ZNF485: variants seen among roughly 807,000 people sequenced by gnomAD.
ZNF485 encodes zinc finger protein 485.
Under a neutral mutation model 10.8 loss-of-function variants are expected in ZNF485, and 9 were observed. That is an observed-to-expected ratio of 0.83 (90% CI 0.50 to 1.45). The LOEUF is 1.45. ZNF485 is among the 40% of genes most tolerant of loss of function. ZNF485 has a pLI of 0.00. For synonymous variants in ZNF485, 187 were observed against 181.0 expected (o/e 1.03, Z -0.27); for missense variants, 487 against 528.0 (o/e 0.92, Z 0.76).
chr10:43,616,943 T>C lies in ZNF485; in HGVS notation c.900T>C (p.Cys300=). The C allele has an allele frequency of 2.5e-6, 4 of 1,614,154 alleles. No individual in the cohort carries two copies. The highest frequency in any genetic ancestry group is 3.4e-6 in the Non-Finnish European group (4 of 1,180,044). Residue 300 remains cysteine, a synonymous_variant, in exon 5 of 5, where the codon TGT becomes TGC. Coordinates refer to ENST00000361807, the MANE Select transcript of ZNF485 (RefSeq NM_145312.4). ...KIHTGEKPYQ[C]NECGKAFRKS... The stretch of plus-strand genomic sequence containing the variant: ...ATACTGGTGAGAAGCCATATCAGTG[T>C]AATGAATGTGGAAAAGCCTTTAGGA...
Position 43,616,181 on chromosome 10 carries a change from T to G in ZNF485, c.248-110T>G, listed in dbSNP as rs1367724918. On this transcript the variant is annotated intron_variant, in intron 4 of 4. Coordinates refer to ENST00000361807, the MANE Select transcript of ZNF485 (RefSeq NM_145312.4). ...TCACAAGTGGGACACATTAATAATT[T>G]TTCATAACCTTTAGTTATGTAGAAT... 23 of 872,180 alleles carry G rather than the reference T, an allele frequency of 2.6e-5. No homozygotes were observed. In the East Asian group the frequency reaches 4.9e-4, roughly 18 times the overall value. The allele number at this position is 872,180 out of a possible 1,614,324, so 54.0% of individuals were successfully genotyped here.
chr10:43,606,893 C>T (rs1397366262), intron 1 of ZNF485, 104 bp from the exon 2 acceptor site: 3 of 819,918 alleles, frequency 3.7e-6, no homozygotes, highest in East Asian at 2.7e-5. Context: ...ACCTGTCTGC[C>T]CACCTGTGGA....
chr10:43,607,225 A>G, intron 2 of ZNF485, 151 bp downstream of exon 2: 1 of 834,482 alleles, frequency 1.2e-6, no homozygotes, highest in Non-Finnish European at 1.9e-6. Flanking sequence ...CTGTCTACCC[A>G]TTACGTAGTC....
chr10:43,616,893 A>G lies in ZNF485; in HGVS notation c.850A>G (p.Thr284Ala), dbSNP rs767351763. The G allele has an allele frequency of 5.6e-6, 9 of 1,614,018 alleles. No individual in the cohort carries two copies. Among genetic ancestry groups the G allele is most frequent in the Admixed American group, 5.0e-5 (3 of 60,006 alleles). ...KCGRAFRDNS[T>A]VLEHQKIHTG... ...TGGGAGAGCTTTCAGGGATAATTCA[A>G]CTGTGTTGGAACATCAGAAAATCCA... The change falls in exon 5 of 5, where the codon ACT becomes GCT. Residue 284 changes from threonine to alanine, a missense_variant. Thr to Ala is a moderately conservative substitution (Grantham distance 58). Coordinates refer to ENST00000361807, the MANE Select transcript of ZNF485 (RefSeq NM_145312.4).
At chr10:43,614,183 C>T (rs938427758) in intron 4 of ZNF485, among the ~76,000 whole-genome samples, 1 of 150,702 alleles carries the variant, frequency 6.6e-6, no homozygotes, top group Non-Finnish European at 1.5e-5. Context: ...CCATTGCACT[C>T]AGCCTGGGCG....
At chr10:43,607,694 A>T (rs1229102987) in intron 2 of ZNF485, among the ~76,000 whole-genome samples, 9 of 152,218 alleles carry the variant, frequency 5.9e-5, no homozygotes, top group Non-Finnish European at 1.3e-4. Context: ...AAATAAAATT[A>T]AAAAAATTAA....
chr10:43,611,916 A>AT (rs1160926371), intron 4 of ZNF485, among the ~76,000 whole-genome samples: 1 of 152,006 alleles, frequency 6.6e-6, no homozygotes, highest in African/African-American at 2.4e-5. Context: ...TATATCACAG[A>AT]TTTTTTTTAA....
chr10:43,608,883 G>C (rs1838710761), intron 3 of ZNF485, 143 bp downstream of exon 3: 1 of 1,174,508 alleles, frequency 8.5e-7, no homozygotes, highest in Non-Finnish European at 1.2e-6. Flanking sequence ...TTAGAGGCTG[G>C]AGTTTATGCC....
In ZNF485 at chr10:43,606,455, C is replaced by G. The variant is rs1027696587; in HGVS notation, c.-146C>G. ...GTCTCCGCGTGGTGCGAGCGCTGCA[C>G]CAGCCCCTGGCTGGTGGTTACTGTC... On this transcript the variant is annotated 5_prime_UTR_variant, in exon 1 of 5. Coordinates refer to ENST00000361807, the MANE Select transcript of ZNF485 (RefSeq NM_145312.4). The G allele has an allele frequency of 7.2e-6, 3 of 415,614 alleles. No individual in the cohort carries two copies. The highest frequency in any genetic ancestry group is 2.1e-5 in the South Asian group (1 of 47,158). 25.7% of individuals were successfully genotyped at this position (415,614 alleles called of 1,614,324 possible).
intron 3 of ZNF485, 31 bp downstream of exon 3, chr10:43,608,771 T>C: frequency 6.2e-7 from 1 of 1,605,156 alleles, no homozygotes; most frequent in Non-Finnish European, 8.5e-7. Flanking sequence ...GACTCAGGAT[T>C]GGTCTGCTGG....
intron 2 of ZNF485, among the ~76,000 whole-genome samples, chr10:43,607,774 G>T (rs190804407): frequency 6.6e-6 from 1 of 152,132 alleles, no homozygotes; most frequent in East Asian, 1.9e-4. Context: ...TTTTTTTAAG[G>T]CTTACTCATT....
At chr10:43,611,014 G>A (rs935082415) in intron 4 of ZNF485, among the ~76,000 whole-genome samples, 1 of 151,982 alleles carries the variant, frequency 6.6e-6, no homozygotes, top group Non-Finnish European at 1.5e-5. Context: ...ATTGTTTAGA[G>A]CTTCTCTCTC....
chr10:43,608,787 T>G, intron 3 of ZNF485, 47 bp downstream of exon 3: 1 of 1,595,936 alleles, frequency 6.3e-7, no homozygotes, highest in Non-Finnish European at 8.5e-7. Flanking sequence ...GCTGGGCAAC[T>G]TTGTGTTTTC....
intron 4 of ZNF485, among the ~76,000 whole-genome samples, chr10:43,614,683 TAAC>T (rs1838823544): frequency 6.6e-6 from 1 of 152,034 alleles, no homozygotes; most frequent in South Asian, 2.1e-4. Context: ...AATTATATAT[TAAC>T]AATTATTTAC....
intron 4 of ZNF485, among the ~76,000 whole-genome samples, chr10:43,610,168 TTTTA>T (rs1235365310): frequency 6.6e-6 from 1 of 152,212 alleles, no homozygotes; most frequent in African/African-American, 2.4e-5. Context: ...AGGGATCTTC[TTTTA>T]TTTGTCTTTT....
At position 43,617,314 on chromosome 10, in the gene ZNF485, C is replaced by G; in HGVS notation, c.1271C>G (p.Ala424Gly). The G allele has an allele frequency of 6.3e-7, 1 of 1,586,080 alleles. No homozygotes were observed. The highest frequency in any genetic ancestry group is 8.5e-7 in the Non-Finnish European group (1 of 1,171,128). Residue 424 changes from alanine to glycine, a missense_variant, in exon 5 of 5, where the codon GCC becomes GGC. Transcript: ENST00000361807. Reference protein sequence around the residue: ...ECGKAFPRSSALKQHKKIHNK... With the variant: ...ECGKAFPRSSGLKQHKKIHNK... ...GGGAAAGCTTTTCCCCGAAGTTCAG[C>G]CCTTAAGCAACATAAGAAAATTCAT... is the stretch of plus-strand genomic sequence containing the variant.
chr10:43,615,995 TC>T (rs1838849867), intron 4 of ZNF485, among the ~76,000 whole-genome samples: 2 of 152,240 alleles, frequency 1.3e-5, no homozygotes. Flanking sequence ...TTGTCTTTTT[TC>T]TTTTTTAGCT....
rs755310457 is a variant in ZNF485, at chr10:43,616,692, A to G, written c.649A>G (p.Ile217Val). The G allele has an allele frequency of 6.8e-6, 11 of 1,614,080 alleles. No homozygotes were observed. Among genetic ancestry groups the G allele is most frequent in the Admixed American group, 5.0e-5 (3 of 60,012 alleles). The change falls in exon 5 of 5, where the codon ATT becomes GTT. Residue 217 changes from isoleucine to valine, a missense_variant. Physicochemically the swap from Ile to Val is conservative, Grantham distance 29. Transcript: ENST00000361807. ...IHSREKPHKC[I>V]ECGKTFRKNS... is the part of the protein sequence containing the mutation. ...TTCTAGGGAGAAACCCCACAAATGC[A>G]TTGAATGTGGAAAAACTTTCAGAAA... is the stretch of plus-strand genomic sequence containing the variant.
At chr10:43,616,269 A>G in intron 4 of ZNF485, 22 bp from the exon 5 acceptor site, 1 of 1,524,538 alleles carries the variant, frequency 6.6e-7, no homozygotes, top group Non-Finnish European at 8.8e-7. Flanking sequence ...AGAACATTTG[A>G]ATTTTTAAAA....
Sources: allele counts gnomAD v4.1 joint callset (sites outside exome capture counted in the v4.1 genomes callset), GRCh38; gene constraint gnomAD v4.1.1; transcripts MANE v1.5; gene names NCBI Gene and HGNC (gene_info 2026-07-23, HGNC 2026-07-21).